The following CERT1 variants were observed in gnomAD, a reference collection of about 807,000 sequenced individuals.
CERT1 encodes ceramide transporter 1.
Under a neutral mutation model 87.9 loss-of-function variants are expected in CERT1, and 31 were observed. The ratio of observed to expected loss-of-function variants is 0.35; its 90% CI spans 0.27 to 0.48. The LOEUF (loss-of-function observed/expected upper bound fraction) is 0.48. CERT1 is among the 20% of genes least tolerant of loss of function. The pLI, the probability that CERT1 is intolerant of heterozygous loss-of-function variation, is 0.99. For synonymous variants in CERT1, 289 were observed against 250.9 expected (o/e 1.15, Z -1.44); for missense variants, 487 against 758.0 (o/e 0.64, Z 4.20).
chr5:75,439,048 A>G (rs1764206382), intron 3 of CERT1, among the ~76,000 whole-genome samples: 1 of 151,636 alleles, frequency 6.6e-6, no homozygotes, highest in African/African-American at 2.4e-5. Context: ...CTACTGGTCA[A>G]AAAAAAATAG....
At chr5:75,388,092 T>C (rs1290122980) in intron 12 of CERT1, among the ~76,000 whole-genome samples, 1 of 152,198 alleles carries the variant, frequency 6.6e-6, no homozygotes, top group African/African-American at 2.4e-5. Flanking sequence ...CCTGGCCTGC[T>C]TCTGTAGTGA....
intron 4 of CERT1, 144 bp downstream of exon 4, chr5:75,426,227 T>A: frequency 2.0e-6 from 1 of 492,296 alleles, no homozygotes; most frequent in Non-Finnish European, 3.7e-6. Context: ...ATTTTATACC[T>A]TAAAAAGTAC....
In CERT1 at chr5:75,386,757, C is replaced by T. The variant is rs1761803331; in HGVS notation, c.1285-723G>A. ...CTCTCAACAGACTACCTTCCCCTAC[C>T]TATTTATTACTCATATTATTGGGAC... On this transcript the variant is annotated intron_variant, in intron 12 of 16. Transcript: ENST00000643780. 2.0e-5 allele frequency among the ~76,000 whole-genome samples: 3 copies of T among 152,252 alleles called. No homozygotes were observed. The South Asian group carries it at 6.2e-4, about 32-fold the overall frequency.
intron 2 of CERT1, among the ~76,000 whole-genome samples, chr5:75,481,764 A>T (rs1478449196): frequency 6.6e-6 from 1 of 152,134 alleles, no homozygotes; most frequent in Non-Finnish European, 1.5e-5. Context: ...CAATTCTGAG[A>T]ATCTCTAAAT....
rs574601709 is a variant in CERT1, at chr5:75,383,766, TCATTA to T, written c.1488+871_1488+875del. On this transcript the variant is annotated intron_variant, in intron 14 of 16. Transcript: ENST00000643780. Reference sequence around the variant, plus strand: ...TTGGAAAAACAAAGTACCTATTAAATCATTACATTTCTTTTATAATGTTTAATACT... The same window carrying T: ...TTGGAAAAACAAAGTACCTATTAAATCATTTCTTTTATAATGTTTAATACT... Among the ~76,000 whole-genome samples the T allele has an allele frequency of 4.2e-3, 634 of 152,328 alleles. 2 individuals are homozygous for T. The highest frequency in any genetic ancestry group is 5.8e-3 in the Non-Finnish European group (395 of 68,010).
intron 3 of CERT1, among the ~76,000 whole-genome samples, chr5:75,428,405 G>A (rs901403896): frequency 2.0e-5 from 3 of 152,296 alleles, no homozygotes; most frequent in East Asian, 3.9e-4. Context: ...TTGGCCGGGT[G>A]CGGTGGCTCA....
chr5:75,424,288 A>G (rs1763506051), intron 5 of CERT1, among the ~76,000 whole-genome samples: 1 of 152,030 alleles, frequency 6.6e-6, no homozygotes, highest in Non-Finnish European at 1.5e-5. Context: ...GGAGAGACTG[A>G]GAGAGAGAGG....
chr5:75,476,120 G>A (rs1020005476), intron 2 of CERT1, among the ~76,000 whole-genome samples: 1 of 152,062 alleles, frequency 6.6e-6, no homozygotes, highest in Non-Finnish European at 1.5e-5. Flanking sequence ...AATTCATAGG[G>A]ATTATTTATT....
In CERT1 at chr5:75,511,375, G is replaced by GCCGCCC; in HGVS notation, c.-169_-168insGGGCGG. ...GAAGTCCGCCCGCCGCGCCGCCGCCGCGCCTGACACCGAGCGGAGCGAGGA... is the reference window on the plus strand; with the variant it reads ...GAAGTCCGCCCGCCGCGCCGCCGCCGCCGCCCCGCCTGACACCGAGCGGAGCGAGGA... On this transcript the variant is annotated 5_prime_UTR_variant, in exon 1 of 17. Transcript: ENST00000643780. 1.9e-6 allele frequency: 3 copies of GCCGCCC among 1,547,020 alleles called. No homozygotes were observed. Among genetic ancestry groups the GCCGCCC allele is most frequent in the Non-Finnish European group, 2.6e-6 (3 of 1,146,264 alleles).
At chr5:75,494,985 G>T (rs1766988612) in intron 2 of CERT1, among the ~76,000 whole-genome samples, 1 of 152,156 alleles carries the variant, frequency 6.6e-6, no homozygotes, top group Admixed American at 6.5e-5. Flanking sequence ...GGGTTTATAT[G>T]TAAGTTTTCA....
At chr5:75,437,065 C>T (rs1388141180) in intron 3 of CERT1, among the ~76,000 whole-genome samples, 1 of 152,220 alleles carries the variant, frequency 6.6e-6, no homozygotes, top group African/African-American at 2.4e-5. Context: ...GGATTACAGG[C>T]AGGAGCCACT....
chr5:75,421,121 T>C (rs975796090), intron 5 of CERT1, among the ~76,000 whole-genome samples: 1 of 152,214 alleles, frequency 6.6e-6, no homozygotes, highest in African/African-American at 2.4e-5. Context: ...CATGGCTCCT[T>C]TATCTTTTCA....
chr5:75,412,799 T>C (rs2112134015), intron 7 of CERT1, among the ~76,000 whole-genome samples: 1 of 152,188 alleles, frequency 6.6e-6, no homozygotes, highest in South Asian at 2.1e-4. Flanking sequence ...TTCCTCAGGG[T>C]GAGTGAGTGA....
intron 2 of CERT1, among the ~76,000 whole-genome samples, chr5:75,494,304 G>C (rs1005171346): frequency 1.3e-5 from 2 of 152,162 alleles, no homozygotes; most frequent in Non-Finnish European, 2.9e-5. Context: ...TTTTACGCTG[G>C]TCAGATTCTT....
At chr5:75,511,935 T>TCCCCG, upstream of CERT1, 2 of 1,041,762 alleles carry the variant, frequency 1.9e-6, no homozygotes, top group Non-Finnish European at 2.8e-6. Context: ...CGCGCGGGGA[T>TCCCCG]CGCTTGTCCC....
chr5:75,407,323 G>A (rs1352687601), intron 8 of CERT1, among the ~76,000 whole-genome samples: 2 of 151,804 alleles, frequency 1.3e-5, no homozygotes, highest in Admixed American at 1.3e-4. Context: ...TAGAAAATAT[G>A]ATTATTTAAA....
chr5:75,506,595 A>C (rs554966917), intron 1 of CERT1, among the ~76,000 whole-genome samples: 1 of 152,224 alleles, frequency 6.6e-6, no homozygotes, highest in Admixed American at 6.5e-5. Flanking sequence ...AATTATTGCT[A>C]AACTCTACTT....
At chr5:75,390,178 G>A (rs1223301102) in intron 11 of CERT1, among the ~76,000 whole-genome samples, 4 of 152,002 alleles carry the variant, frequency 2.6e-5, no homozygotes, top group East Asian at 1.9e-4. Context: ...GCTCTCATAC[G>A]AGCAAAGATA....
intron 2 of CERT1, among the ~76,000 whole-genome samples, chr5:75,482,343 G>A (rs1481819547): frequency 6.6e-6 from 1 of 152,200 alleles, no homozygotes; most frequent in Non-Finnish European, 1.5e-5. Flanking sequence ...GGTAAGAGAA[G>A]AGTGGAAGGA....
Sources: allele counts gnomAD v4.1 joint callset (sites outside exome capture counted in the v4.1 genomes callset), GRCh38; gene constraint gnomAD v4.1.1; transcripts MANE v1.5; gene names NCBI Gene and HGNC (gene_info 2026-07-23, HGNC 2026-07-21).